Variants in CSMD3 observed in about 807,000 individuals in gnomAD.
CSMD3 encodes the protein CUB and Sushi multiple domains 3, also known as CUB and sushi domain-containing protein 3.
A neutral mutation model predicts 435.2 loss-of-function variants in CSMD3; 177 were observed. The observed-to-expected ratio is 0.41, with a 90% CI of 0.36 to 0.46. The LOEUF (loss-of-function observed/expected upper bound fraction) is 0.46, where lower values mean the gene tolerates loss of function less well. CSMD3 is among the 20% of genes least tolerant of loss of function. CSMD3 has a pLI of 0.34. For missense variants in CSMD3, 4,265 were observed against 4,504.6 expected, an observed-to-expected ratio of 0.95 and a Z score of 1.52; for synonymous variants, 1,656 against 1,520.5, an observed-to-expected ratio of 1.09 and a Z score of -2.07.
chr8:112,879,117 A>G (rs1191647298), intron 10 of CSMD3, among the ~76,000 whole-genome samples: 3 of 152,146 alleles, frequency 2.0e-5, no homozygotes, highest in Non-Finnish European at 4.4e-5. Flanking sequence ...GGACAGAGAC[A>G]TATTTCCCTT....
chr8:113,278,853 T>G, intron 2 of CSMD3, 149 bp from the exon 3 acceptor site: 1 of 603,902 alleles, frequency 1.7e-6, no homozygotes, highest in Non-Finnish European at 3.0e-6. Flanking sequence ...CACCTTGATT[T>G]CAGCCCAGTT....
intron 3 of CSMD3, among the ~76,000 whole-genome samples, chr8:113,232,920 G>A (rs548054383): frequency 3.2e-4 from 49 of 151,824 alleles, no homozygotes; most frequent in African/African-American, 1.1e-3. Context: ...CTTTTATGTA[G>A]GTGGAACATT....
At chr8:113,074,777 A>C (rs2089272020) in intron 5 of CSMD3, among the ~76,000 whole-genome samples, 1 of 151,804 alleles carries the variant, frequency 6.6e-6, no homozygotes, top group Non-Finnish European at 1.5e-5. Context: ...AAAGAAACCC[A>C]TTATACATTT....
At chr8:113,290,298 T>C (rs1306496060) in intron 2 of CSMD3, among the ~76,000 whole-genome samples, 1 of 151,698 alleles carries the variant, frequency 6.6e-6, no homozygotes, top group Non-Finnish European at 1.5e-5. Context: ...TGATTAAAGA[T>C]GTTTTGATAA....
chr8:113,328,744 T>C lies in CSMD3; in HGVS notation c.179-13951A>G, dbSNP rs1258927014. ...TTTCCTTCCTTCTTTTCTTTTTTTT[T>C]TTTTTTTTTTTTTTTGATACAGGGT... On this transcript the variant is annotated intron_variant, in intron 1 of 70. Coordinates refer to ENST00000297405, the MANE Select transcript of CSMD3 (RefSeq NM_198123.2). 7.4e-3 allele frequency among the ~76,000 whole-genome samples: 914 copies of C among 122,834 alleles called. 22 individuals carry two copies. Among genetic ancestry groups the C allele is most frequent in the African/African-American group, 0.028 (856 of 30,276 alleles). 80.6% of individuals were successfully genotyped at this position (122,834 alleles called of 152,430 possible). A position where few individuals can be genotyped will look rare whatever the true frequency, so the allele number is the denominator to read the frequency against.
intron 27 of CSMD3, among the ~76,000 whole-genome samples, chr8:112,548,979 A>C (rs1827436662): frequency 6.6e-6 from 1 of 152,128 alleles, no homozygotes; most frequent in Admixed American, 6.6e-5. Context: ...TTCACAGATT[A>C]TCTACAATAA....
At chr8:112,293,431 T>C (rs1819969775) in intron 54 of CSMD3, among the ~76,000 whole-genome samples, 1 of 152,188 alleles carries the variant, frequency 6.6e-6, no homozygotes, top group Non-Finnish European at 1.5e-5. Flanking sequence ...AACCAATTTT[T>C]ATGAATAATA....
intron 1 of CSMD3, among the ~76,000 whole-genome samples, chr8:113,415,223 G>A (rs933433427): frequency 2.0e-5 from 3 of 152,128 alleles, no homozygotes; most frequent in African/African-American, 7.2e-5. Flanking sequence ...AGTTTCAAAT[G>A]TCTTAAGGAC....
At chr8:112,507,093 C>T (rs1389215396) in intron 28 of CSMD3, among the ~76,000 whole-genome samples, 1 of 151,978 alleles carries the variant, frequency 6.6e-6, no homozygotes, top group Non-Finnish European at 1.5e-5. Context: ...ACTTTTCTGT[C>T]TTTCTATTAT....
intron 4 of CSMD3, among the ~76,000 whole-genome samples, chr8:113,113,039 A>G (rs2090711018): frequency 6.6e-6 from 1 of 152,098 alleles, no homozygotes. Flanking sequence ...TTTGAAATTT[A>G]ACTTTGCCTT....
chr8:113,276,416 T>C (rs1301353111), intron 3 of CSMD3, among the ~76,000 whole-genome samples: 3 of 152,038 alleles, frequency 2.0e-5, no homozygotes, highest in Non-Finnish European at 4.4e-5. Context: ...GAGGATTCTT[T>C]TTACCAGTTG....
intron 1 of CSMD3, among the ~76,000 whole-genome samples, chr8:113,356,389 T>C (rs1159923758): frequency 1.3e-5 from 2 of 152,092 alleles, no homozygotes; most frequent in Admixed American, 1.3e-4. Context: ...GAAGTCTGGA[T>C]ACTTAGTGAA....
At chr8:112,877,149 G>A (rs985037053) in intron 10 of CSMD3, among the ~76,000 whole-genome samples, 3 of 152,014 alleles carry the variant, frequency 2.0e-5, no homozygotes, top group Non-Finnish European at 4.4e-5. Context: ...CTCATGGATA[G>A]GAAGAATCAA....
At chr8:112,921,257 G>A (rs1018024848) in intron 10 of CSMD3, among the ~76,000 whole-genome samples, 2 of 151,816 alleles carry the variant, frequency 1.3e-5, no homozygotes, top group Non-Finnish European at 2.9e-5. Context: ...TTGTAGACAC[G>A]GACACATAAG....
At chr8:112,582,582 T>C (rs1468107318) in intron 23 of CSMD3, among the ~76,000 whole-genome samples, 1 of 151,470 alleles carries the variant, frequency 6.6e-6, no homozygotes, top group Non-Finnish European at 1.5e-5. Flanking sequence ...GGGCTTTAGA[T>C]TTTACTTATA....
chr8:112,562,259 A>G (rs980099217), intron 24 of CSMD3, among the ~76,000 whole-genome samples: 16 of 151,836 alleles, frequency 1.1e-4, no homozygotes, highest in Admixed American at 8.6e-4. Context: ...CTTACTAGCA[A>G]AACACTACCA....
At chr8:112,250,809 T>C (rs1420299224) in intron 63 of CSMD3, among the ~76,000 whole-genome samples, 1 of 151,808 alleles carries the variant, frequency 6.6e-6, no homozygotes, top group Non-Finnish European at 1.5e-5. Context: ...TTGCAACCAA[T>C]GTTTAAATAA....
At chr8:113,240,340 T>A (rs761825930) in intron 3 of CSMD3, among the ~76,000 whole-genome samples, 9 of 152,162 alleles carry the variant, frequency 5.9e-5, no homozygotes, top group African/African-American at 1.7e-4. Context: ...ATCTTTATAA[T>A]AGAACAATTT....
intron 10 of CSMD3, among the ~76,000 whole-genome samples, chr8:112,866,705 T>C (rs2080995118): frequency 6.6e-6 from 1 of 152,118 alleles, no homozygotes; most frequent in Non-Finnish European, 1.5e-5. Context: ...GGATGAATAA[T>C]CATAGTGTCA....
Sources: allele counts gnomAD v4.1 joint callset (sites outside exome capture counted in the v4.1 genomes callset), GRCh38; gene constraint gnomAD v4.1.1; transcripts MANE v1.5; gene names NCBI Gene and HGNC (gene_info 2026-07-23, HGNC 2026-07-21).